The following ADGRV1 variants were observed in gnomAD, a reference collection of about 807,000 sequenced individuals.
ADGRV1 encodes G-protein coupled receptor 98.
Under a neutral mutation model 596.2 loss-of-function variants are expected in ADGRV1, and 359 were observed. The ratio of observed to expected loss-of-function variants is 0.60; its 90% CI spans 0.55 to 0.66. ADGRV1 has a LOEUF of 0.66. Ranked by LOEUF, ADGRV1 falls within the 30% of genes least tolerant of loss-of-function variation. The probability of loss-of-function intolerance (pLI) is 0.00; values close to 1 mark genes in which losing one functional copy is unlikely to be tolerated. For missense variants in ADGRV1, 7,274 were observed against 7,575.6 expected, an observed-to-expected ratio of 0.96 and a Z score of 1.48; for synonymous variants, 2,681 against 2,679.2, an observed-to-expected ratio of 1.00 and a Z score of -0.02.
At chr5:90,570,350 G>T (rs1256232288) in intron 1 of ADGRV1, among the ~76,000 whole-genome samples, 3 of 151,998 alleles carry the variant, frequency 2.0e-5, no homozygotes, top group African/African-American at 7.2e-5. Context: ...CCTCTTTCGT[G>T]ATTCTCTCTT....
intron 45 of ADGRV1, among the ~76,000 whole-genome samples, chr5:90,723,435 G>C (rs1561599707): frequency 6.6e-6 from 1 of 152,190 alleles, no homozygotes; most frequent in Non-Finnish European, 1.5e-5. Context: ...TTCTAATTTA[G>C]ATTTCTGCAT....
intron 70 of ADGRV1, among the ~76,000 whole-genome samples, chr5:90,800,668 C>T (rs1403802346): frequency 1.3e-5 from 2 of 152,108 alleles, no homozygotes; most frequent in African/African-American, 4.8e-5. Flanking sequence ...AGGCTTGGCA[C>T]CAACCCAAAT....
chr5:91,076,490 G>A (rs1242159636), intron 86 of ADGRV1, among the ~76,000 whole-genome samples: 2 of 151,980 alleles, frequency 1.3e-5, no homozygotes, highest in South Asian at 4.1e-4. Context: ...CATAATTAAT[G>A]TTTATTAATT....
intron 85 of ADGRV1, among the ~76,000 whole-genome samples, chr5:91,005,459 C>T (rs1782193047): frequency 6.6e-6 from 1 of 152,078 alleles, no homozygotes; most frequent in South Asian, 2.1e-4. Context: ...GCCTCTGCCT[C>T]CCGAGTAGCT....
Position 90,622,804 on chromosome 5 carries a change from G to A in ADGRV1, c.558+103G>A, listed in dbSNP as rs189534872. The A allele has an allele frequency of 5.4e-4, 210 of 387,474 alleles. 1 individual carries two copies. Among genetic ancestry groups the A allele is most frequent in the Non-Finnish European group, 8.5e-4 (187 of 218,950 alleles). The allele number at this position is 387,474 out of a possible 1,614,324, so 24.0% of individuals were successfully genotyped here. A position where few individuals can be genotyped will look rare whatever the true frequency, so the allele number is the denominator to read the frequency against. On this transcript the variant is annotated intron_variant, in intron 5 of 89. Coordinates refer to ENST00000405460, the MANE Select transcript of ADGRV1 (RefSeq NM_032119.4). ...TGCCCAAGCTGGAGTGCAGTGGTGC[G>A]ATCTCAGCTCAATGCAACCTCTGCC...
chr5:90,940,711 T>A (rs1232472257), intron 83 of ADGRV1, among the ~76,000 whole-genome samples: 3 of 152,160 alleles, frequency 2.0e-5, no homozygotes, highest in Non-Finnish European at 4.4e-5. Flanking sequence ...GAAAGGATGC[T>A]GCAAAGGCTG....
chr5:90,824,739 A>G (rs7717221), intron 76 of ADGRV1, among the ~76,000 whole-genome samples: 7,083 of 152,224 alleles, frequency 0.047, 579 homozygotes, highest in African/African-American at 0.16. Context: ...ATTTTACCAT[A>G]GACTAATTGA....
At chr5:90,808,418 G>A (rs1207969963) in intron 73 of ADGRV1, among the ~76,000 whole-genome samples, 1 of 152,046 alleles carries the variant, frequency 6.6e-6, no homozygotes, top group Non-Finnish European at 1.5e-5. Flanking sequence ...AAAATTTTGG[G>A]GTATGAAAAC....
chr5:91,035,861 T>A lies in ADGRV1; in HGVS notation c.18153-36586T>A, dbSNP rs894691807. ...ATGAGTGTGTATATATATATATATA[T>A]TATATATATATATATATATATCTTA... is the stretch of plus-strand genomic sequence containing the variant. On this transcript the variant is annotated intron_variant, in intron 85 of 89. Coordinates refer to ENST00000405460, the MANE Select transcript of ADGRV1 (RefSeq NM_032119.4). Among the ~76,000 whole-genome samples, 109 of 96,400 alleles carry A rather than the reference T, an allele frequency of 1.1e-3. 3 individuals carry two copies. The East Asian group carries it at 0.024, about 21-fold the overall frequency. The allele number at this position is 96,400 out of a possible 152,430, so 63.2% of individuals were successfully genotyped here. A position where few individuals can be genotyped will look rare whatever the true frequency, so the allele number is the denominator to read the frequency against.
intron 79 of ADGRV1, among the ~76,000 whole-genome samples, 200 bp downstream of exon 79, chr5:90,849,021 CA>C: frequency 6.6e-6 from 1 of 152,076 alleles, no homozygotes; most frequent in East Asian, 1.9e-4. Flanking sequence ...ATACTGTCAA[CA>C]ATATATTCCA....
At chr5:90,935,443 C>A (rs534315716) in intron 83 of ADGRV1, among the ~76,000 whole-genome samples, 2 of 152,292 alleles carry the variant, frequency 1.3e-5, no homozygotes, top group African/African-American at 4.8e-5. Context: ...ACCTCCTAGA[C>A]CCTGACTGGT....
At chr5:91,099,836 T>C (rs556257814) in intron 86 of ADGRV1, among the ~76,000 whole-genome samples, 1 of 152,152 alleles carries the variant, frequency 6.6e-6, no homozygotes, top group Non-Finnish European at 1.5e-5. Flanking sequence ...TTTCAATATA[T>C]AGAGATAGAT....
chr5:91,009,287 A>G (rs1782535107), intron 85 of ADGRV1, among the ~76,000 whole-genome samples: 1 of 152,160 alleles, frequency 6.6e-6, no homozygotes, highest in African/African-American at 2.4e-5. Flanking sequence ...AATAGATGTG[A>G]CATCAAGAAT....
At chr5:90,651,338 T>TA (rs996381948) in intron 17 of ADGRV1, among the ~76,000 whole-genome samples, 2 of 151,970 alleles carry the variant, frequency 1.3e-5, no homozygotes, top group Non-Finnish European at 2.9e-5. Flanking sequence ...CATTTGTAAC[T>TA]AAAAAAAATG....
At chr5:91,137,895 C>T (rs1296398256) in intron 87 of ADGRV1, among the ~76,000 whole-genome samples, 1 of 152,204 alleles carries the variant, frequency 6.6e-6, no homozygotes, top group African/African-American at 2.4e-5. Context: ...TAAGAGAGAA[C>T]TTAAATTGCT....
chr5:91,123,657 G>A (rs1003426714), intron 87 of ADGRV1, among the ~76,000 whole-genome samples: 4 of 152,120 alleles, frequency 2.6e-5, no homozygotes, highest in African/African-American at 4.8e-5. Context: ...TATAAATCTC[G>A]TTTTCTGAAT....
At chr5:90,595,109 G>T (rs1393449560) in intron 1 of ADGRV1, among the ~76,000 whole-genome samples, 1 of 135,026 alleles carries the variant, frequency 7.4e-6, no homozygotes. Flanking sequence ...TGGCCGGGCG[G>T]GGGGCTGACC....
At chr5:91,110,689 C>A (rs1453686299) in intron 87 of ADGRV1, among the ~76,000 whole-genome samples, 2 of 152,270 alleles carry the variant, frequency 1.3e-5, no homozygotes, top group African/African-American at 4.8e-5. Flanking sequence ...TAGACATGAG[C>A]TGCTTGGAGA....
At chr5:90,776,662 A>G in intron 61 of ADGRV1, 86 bp downstream of exon 61, 2 of 1,371,614 alleles carry the variant, frequency 1.5e-6, no homozygotes, top group South Asian at 2.4e-5. Context: ...CATTCTCAAT[A>G]CATACATAGT....
Sources: allele counts gnomAD v4.1 joint callset (sites outside exome capture counted in the v4.1 genomes callset), GRCh38; gene constraint gnomAD v4.1.1; transcripts MANE v1.5; gene names NCBI Gene and HGNC (gene_info 2026-07-23, HGNC 2026-07-21).